Variants in SYNE2 observed in about 807,000 individuals in gnomAD.
The protein encoded by SYNE2 is spectrin repeat containing nuclear envelope protein 2, also known as nesprin-2.
In SYNE2, 431 loss-of-function variants were observed where a neutral mutation model predicts 856.3. That is an observed-to-expected ratio of 0.50 (90% confidence interval 0.47 to 0.55). SYNE2 has a LOEUF of 0.55. SYNE2 is among the 20% of genes least tolerant of loss of function. SYNE2 has a pLI of 0.00. For synonymous variants in SYNE2, 2,923 were observed against 2,872.3 expected, an observed-to-expected ratio of 1.02 and a Z score of -0.56; for missense variants, 8,129 against 8,023.2, an observed-to-expected ratio of 1.01 and a Z score of -0.50.
In SYNE2 at chr14:64,162,185, A is replaced by C. The variant is rs764872195; in HGVS notation, c.16208A>C (p.Gln5403Pro). 5.6e-6 allele frequency: 9 copies of C among 1,614,282 alleles called. No homozygotes were observed. Among genetic ancestry groups the C allele is most frequent in the Non-Finnish European group, 6.8e-6 (8 of 1,180,052 alleles). ...AHGEAAARLK[Q>P]QEAKFQQLAN... ...GGTGAAGCTGCCGCAAGGCTGAAGC[A>C]GCAGGAAGCAAAGTTTCAACAGCTC... Residue 5403 changes from glutamine (Q) to proline (P), a missense_variant, in exon 88 of 116, where the codon CAG becomes CCG. Transcript: ENST00000555002.
chr14:63,995,696 A>T (rs2096707632), intron 23 of SYNE2, among the ~76,000 whole-genome samples: 1 of 151,760 alleles, frequency 6.6e-6, no homozygotes, highest in Admixed American at 6.6e-5. Flanking sequence ...TCCCACTGTC[A>T]GTCTCTCTTG....
At chr14:63,811,525 A>T (rs937335240) in intron 1 of SYNE2, among the ~76,000 whole-genome samples, 4 of 152,180 alleles carry the variant, frequency 2.6e-5, no homozygotes, top group Non-Finnish European at 5.9e-5. Context: ...GGCCTCCCAA[A>T]GTGCTGGAAT....
intron 87 of SYNE2, among the ~76,000 whole-genome samples, chr14:64,161,136 G>A (rs1456667868): frequency 6.6e-6 from 1 of 152,060 alleles, no homozygotes; most frequent in Non-Finnish European, 1.5e-5. Context: ...TTGAGTCCAG[G>A]AGTTCAAGAC....
At chr14:64,187,910 A>G (rs963557066) in intron 97 of SYNE2, among the ~76,000 whole-genome samples, 1 of 152,200 alleles carries the variant, frequency 6.6e-6, no homozygotes, top group African/African-American at 2.4e-5. Context: ...GGGGTTACTT[A>G]TGCATAATGG....
rs1172506632 is a variant in SYNE2 at position 64,003,167 on chromosome 14, G to A, written c.4234G>A (p.Glu1412Lys). ...LLDAFSIKLS[E>K]THGYGVQEEF... ...TGATGCTTTTTCAATAAAGTTATCTGAGACACATGGCTATGGGGTACAGGA... is the reference window on the plus strand; with the variant it reads ...TGATGCTTTTTCAATAAAGTTATCTAAGACACATGGCTATGGGGTACAGGA... The change falls in exon 30 of 116, where the codon GAG becomes AAG. Residue 1412 changes from glutamate to lysine, a missense_variant. Glu to Lys is a moderately conservative substitution (Grantham distance 56). Around this residue, in one of 3 missense-constraint regions of SYNE2, gnomAD observed 2,422 missense variants for 2,357.4 expected, o/e 1.03. Coordinates refer to ENST00000555002, the MANE Select transcript of SYNE2 (RefSeq NM_182914.3). 1.2e-6 allele frequency: 2 copies of A among 1,614,144 alleles called. No individual in the cohort carries two copies. Among genetic ancestry groups the A allele is most frequent in the Non-Finnish European group, 1.7e-6 (2 of 1,180,022 alleles).
At chr14:63,944,283 TATA>T (rs1230883001) in intron 6 of SYNE2, among the ~76,000 whole-genome samples, 84 of 1,172 alleles carry the variant, frequency 0.072, 1 homozygote, top group Non-Finnish European at 0.21. Context: ...AATTTTTATA[TATA>T]TATATATATA....
At chr14:64,155,659 G>C (rs1397578237) in intron 85 of SYNE2, among the ~76,000 whole-genome samples, 1 of 152,130 alleles carries the variant, frequency 6.6e-6, no homozygotes, top group Non-Finnish European at 1.5e-5. Flanking sequence ...TGGCCCAGTG[G>C]CTCAAACCTG....
chr14:64,131,882 T>A (rs1473778188), intron 76 of SYNE2, among the ~76,000 whole-genome samples: 1 of 152,190 alleles, frequency 6.6e-6, no homozygotes, highest in Non-Finnish European at 1.5e-5. Flanking sequence ...GGTAATACTT[T>A]ATAATTTGTT....
intron 10 of SYNE2, 104 bp from the exon 11 acceptor site, chr14:63,967,604 TA>T: frequency 7.9e-7 from 1 of 1,263,786 alleles, no homozygotes. Flanking sequence ...TACCTTTAAG[TA>T]AAAACTTAAA....
At chr14:63,999,991 T>A (rs1318051677) in intron 27 of SYNE2, among the ~76,000 whole-genome samples, 1 of 152,232 alleles carries the variant, frequency 6.6e-6, no homozygotes, top group African/African-American at 2.4e-5. Flanking sequence ...TTAGAAAAAC[T>A]ATACTAATCT....
intron 96 of SYNE2, among the ~76,000 whole-genome samples, chr14:64,183,917 GA>G (rs2098474737): frequency 6.8e-6 from 1 of 147,694 alleles, no homozygotes; most frequent in African/African-American, 2.5e-5. Flanking sequence ...AAAGAAGGGA[GA>G]GGGGGCTCGG....
chr14:64,037,848 A>C (rs866265426), intron 45 of SYNE2, among the ~76,000 whole-genome samples: 40 of 124,836 alleles, frequency 3.2e-4, no homozygotes, highest in Middle Eastern at 0.01. Context: ...GGGGGCTGAC[A>C]CCCCCACCTC....
intron 67 of SYNE2, among the ~76,000 whole-genome samples, chr14:64,119,827 G>A (rs576108358): frequency 1.3e-5 from 2 of 152,246 alleles, no homozygotes; most frequent in South Asian, 2.1e-4. Context: ...TGGTGATGGC[G>A]GTGGTTTGGT....
chr14:64,093,350 T>C lies in SYNE2; in HGVS notation c.11978T>C (p.Val3993Ala). The C allele has an allele frequency of 3.1e-6, 5 of 1,613,734 alleles. No individual in the cohort carries two copies. Among genetic ancestry groups the C allele is most frequent in the Non-Finnish European group, 4.2e-6 (5 of 1,179,728 alleles). Residue 3993 changes from valine to alanine, a missense_variant and splice_region_variant, in exon 61 of 116, where the codon GTA becomes GCA. Physicochemically the swap from Val to Ala is moderately conservative, Grantham distance 64 (BLOSUM62 0). This residue lies in a region of SYNE2 where 5,410 missense variants were observed against 5,284.8 expected (regional missense o/e 1.02). Coordinates refer to ENST00000555002, the MANE Select transcript of SYNE2 (RefSeq NM_182914.3). ...VTQEQNELLKVVIKQTNEWDE... is the reference protein window; with the variant it reads ...VTQEQNELLKAVIKQTNEWDE... Reference sequence around the variant, plus strand: ...TTTTTTGTGGGGGTTATTTTATAGGTAGTCATAAAACAGACCAATGAATGG... The same window carrying C: ...TTTTTTGTGGGGGTTATTTTATAGGCAGTCATAAAACAGACCAATGAATGG...
intron 92 of SYNE2, among the ~76,000 whole-genome samples, chr14:64,168,667 AATT>A (rs1320172592): frequency 1.1e-4 from 17 of 152,278 alleles, no homozygotes; most frequent in African/African-American, 4.1e-4. Flanking sequence ...TATTAGATGT[AATT>A]ATTATTAGAC....
rs370216088 is a variant in SYNE2, at chr14:64,146,219, G to A, written c.15635G>A (p.Cys5212Tyr). ...VISVQKLLLDCQDIENQLAIK... is the reference protein window; with the variant it reads ...VISVQKLLLDYQDIENQLAIK... ...TCAGTGCAGAAGCTGCTCCTGGACT[G>A]TCAGGTGAGGAGGGGAACAGCATCC... The change falls in exon 84 of 116, where the codon TGT (cysteine) becomes TAT (tyrosine). Residue 5212 changes from cysteine (C) to tyrosine (Y), a missense_variant. Coordinates refer to ENST00000555002, the MANE Select transcript of SYNE2 (RefSeq NM_182914.3). 6 of 1,606,824 alleles carry A rather than the reference G, an allele frequency of 3.7e-6. No homozygotes were observed. In the African/African-American group the frequency reaches 6.7e-5, roughly 18 times the overall value.
intron 85 of SYNE2, among the ~76,000 whole-genome samples, chr14:64,155,107 C>A (rs910139415): frequency 1.3e-5 from 2 of 152,188 alleles, no homozygotes; most frequent in Non-Finnish European, 1.5e-5. Context: ...CTTAGCAGTT[C>A]TACTCCTCCA....
Position 64,185,519 on chromosome 14 carries a change from C to CT in SYNE2, c.17557-886dup, listed in dbSNP as rs66490444. 6.7e-3 allele frequency among the ~76,000 whole-genome samples: 521 copies of CT among 77,464 alleles called. 7 individuals carry two copies. The highest frequency in any genetic ancestry group is 0.021 in the African/African-American group (390 of 18,926). 50.8% of individuals were successfully genotyped at this position (77,464 alleles called of 152,430 possible). A position where few individuals can be genotyped will look rare whatever the true frequency, so the allele number is the denominator to read the frequency against. On this transcript the variant is annotated intron_variant, in intron 96 of 115. Transcript: ENST00000555002. ...TTTTTTTCTTTTTCTTTTTCTTTTT[C>CT]TTTTTTTTTTTTTTTTTTTGAGGTG...
intron 1 of SYNE2, among the ~76,000 whole-genome samples, chr14:63,776,768 T>C (rs1887122958): frequency 6.6e-6 from 1 of 151,928 alleles, no homozygotes; most frequent in Non-Finnish European, 1.5e-5. Flanking sequence ...ACCCAGCTAA[T>C]TTTTGTATTT....
Sources: allele counts gnomAD v4.1 joint callset (sites outside exome capture counted in the v4.1 genomes callset), GRCh38; gene constraint gnomAD v4.1.1; regional missense constraint gnomAD v4.1.1; transcripts MANE v1.5; gene names NCBI Gene and HGNC (gene_info 2026-07-23, HGNC 2026-07-21).